Variants in ZDHHC21 observed in about 807,000 individuals in gnomAD.
ZDHHC21 encodes palmitoyltransferase ZDHHC21.
ZDHHC21 carries 15 observed loss-of-function variants against 34.6 expected under a neutral mutation model. The ratio of observed to expected loss-of-function variants is 0.43; its 90% CI spans 0.29 to 0.67. ZDHHC21 has a LOEUF of 0.67. Ranked by LOEUF, ZDHHC21 falls within the 30% of genes least tolerant of loss-of-function variation. The pLI is 0.14. For missense variants in ZDHHC21, 344 were observed against 327.7 expected, an observed-to-expected ratio of 1.05 and a Z score of -0.38; for synonymous variants, 142 against 101.8, an observed-to-expected ratio of 1.40 and a Z score of -2.38.
At chr9:14,622,429 A>T in intron 8 of ZDHHC21, 2 of 647,642 alleles carry the variant, frequency 3.1e-6, no homozygotes, top group Non-Finnish European at 3.8e-6. Flanking sequence ...GAAGTTCCTA[A>T]GAGAAAAGGA....
intron 6 of ZDHHC21, among the ~76,000 whole-genome samples, chr9:14,660,736 T>C (rs1341874184): frequency 1.3e-5 from 2 of 152,128 alleles, no homozygotes; most frequent in African/African-American, 4.8e-5. Flanking sequence ...ACCCCAACGT[T>C]AGAATTAAGG....
chr9:14,598,139 C>G, the ZDHHC21 span, among the ~76,000 whole-genome samples: 65 of 152,046 alleles, frequency 4.3e-4, no homozygotes, highest in African/African-American at 1.5e-3. Context: ...CCTGGAGGCT[C>G]AAGGATTAGT....
At chr9:14,688,588 A>G (rs1335245517) in intron 2 of ZDHHC21, among the ~76,000 whole-genome samples, 2 of 151,796 alleles carry the variant, frequency 1.3e-5, no homozygotes, top group East Asian at 1.9e-4. Context: ...GGGGCCAGGC[A>G]CAGTGGCTCA....
At chr9:14,688,205 A>G (rs1293018502) in intron 2 of ZDHHC21, among the ~76,000 whole-genome samples, 1 of 150,950 alleles carries the variant, frequency 6.6e-6, no homozygotes, top group African/African-American at 2.5e-5. Flanking sequence ...TTCAAGCTTC[A>G]GTTTGACCAT....
chr9:14,665,557 A>G (rs1292932436), intron 5 of ZDHHC21, among the ~76,000 whole-genome samples: 1 of 151,674 alleles, frequency 6.6e-6, no homozygotes, highest in Non-Finnish European at 1.5e-5. Flanking sequence ...CAGATTCACC[A>G]AAGTTGAAAT....
chr9:14,595,918 C>T, the ZDHHC21 span, among the ~76,000 whole-genome samples: 2 of 152,182 alleles, frequency 1.3e-5, no homozygotes, highest in African/African-American at 4.8e-5. Flanking sequence ...TGAAAAGTCC[C>T]ATAATACCAA....
At chr9:14,648,317 G>GTT (rs34563129) in intron 7 of ZDHHC21, among the ~76,000 whole-genome samples, 50 of 151,650 alleles carry the variant, frequency 3.3e-4, no homozygotes, top group African/African-American at 1.1e-3. Flanking sequence ...TAGCAATCAG[G>GTT]TTTTTTTTAC....
rs778231974 is a variant in ZDHHC21, at chr9:14,613,787, A to G, written c.*5179T>C. The G allele has an allele frequency of 6.6e-6, 1 of 151,784 alleles. No individual in the cohort carries two copies. The highest frequency in any genetic ancestry group is 1.9e-4 in the East Asian group (1 of 5,192). 9.4% of individuals were successfully genotyped at this position (151,784 alleles called of 1,614,324 possible). On this transcript the variant is annotated 3_prime_UTR_variant, in exon 10 of 10. Coordinates refer to ENST00000380916, the MANE Select transcript of ZDHHC21 (RefSeq NM_178566.6). The stretch of plus-strand genomic sequence containing the variant: ...TGACAAAATTTTCTATACACTCAGT[A>G]TCTTTTCTTTGCAATAAGAGATTTC...
At chr9:14,680,560 G>A (rs1231425015) in intron 2 of ZDHHC21, among the ~76,000 whole-genome samples, 1 of 151,998 alleles carries the variant, frequency 6.6e-6, no homozygotes, top group Non-Finnish European at 1.5e-5. Flanking sequence ...AATTTAAAAT[G>A]CTTTAAGAAA....
At chr9:14,601,823 C>T in the ZDHHC21 span, among the ~76,000 whole-genome samples, 17,477 of 152,048 alleles carry the variant, frequency 0.11, 1,072 homozygotes, top group Non-Finnish European at 0.14. Flanking sequence ...GCCATTAAAA[C>T]GGATGAGTTC....
At chr9:14,626,874 T>C (rs190720807) in intron 8 of ZDHHC21, among the ~76,000 whole-genome samples, 19 of 152,190 alleles carry the variant, frequency 1.2e-4, no homozygotes, top group Admixed American at 1.2e-3. Context: ...ATCTTTCATA[T>C]AATATTACAA....
chr9:14,635,322 T>C (rs1403921913), intron 8 of ZDHHC21, among the ~76,000 whole-genome samples: 2 of 152,204 alleles, frequency 1.3e-5, no homozygotes, highest in Non-Finnish European at 2.9e-5. Flanking sequence ...CACCTAAGTA[T>C]AGGAAGCTCA....
At chr9:14,647,762 C>A (rs925489944) in intron 7 of ZDHHC21, among the ~76,000 whole-genome samples, 7 of 152,092 alleles carry the variant, frequency 4.6e-5, no homozygotes, top group Admixed American at 6.6e-5. Context: ...TATTACCTTT[C>A]GTCTTTCCAA....
At position 14,622,660 on chromosome 9, in the gene ZDHHC21, G is replaced by C. The variant is rs1321989432; in HGVS notation, c.622-2978C>G. 9 of 985,078 alleles carry C rather than the reference G, an allele frequency of 9.1e-6. No homozygotes were observed. The Admixed American group carries it at 4.3e-4, about 47-fold the overall frequency. 61.0% of individuals were successfully genotyped at this position (985,078 alleles called of 1,614,324 possible). A position where few individuals can be genotyped will look rare whatever the true frequency, so the allele number is the denominator to read the frequency against. ...TTGCCACATATGTTGTCATACAGGA[G>C]AAAGAATGTGCTGAAGAGTCCTTTG... On this transcript the variant is annotated intron_variant, in intron 8 of 9. Coordinates refer to ENST00000380916, the MANE Select transcript of ZDHHC21 (RefSeq NM_178566.6).
At chr9:14,642,826 C>T (rs191811889) in intron 7 of ZDHHC21, among the ~76,000 whole-genome samples, 117 of 152,310 alleles carry the variant, frequency 7.7e-4, no homozygotes, top group Admixed American at 1.4e-3. Flanking sequence ...TAAGACAGGC[C>T]TAGCAAACTA....
intron 7 of ZDHHC21, among the ~76,000 whole-genome samples, chr9:14,649,753 CA>C (rs1366187782): frequency 6.6e-6 from 1 of 152,072 alleles, no homozygotes; most frequent in Non-Finnish European, 1.5e-5. Context: ...ATCTGACTGT[CA>C]GGTTCATGGC....
chr9:14,665,478 G>C (rs1462619581), intron 5 of ZDHHC21, among the ~76,000 whole-genome samples: 1 of 151,034 alleles, frequency 6.6e-6, no homozygotes, highest in East Asian at 2.0e-4. Context: ...CCAACGTTCA[G>C]ATTCAGGAAA....
At position 14,612,214 on chromosome 9, in the gene ZDHHC21, C is replaced by A. The variant is rs1434977509; in HGVS notation, c.*6752G>T. 6.6e-6 allele frequency: 1 copy of A among 151,952 alleles called. No individual in the cohort carries two copies. The highest frequency in any genetic ancestry group is 2.4e-5 in the African/African-American group (1 of 41,426). The allele number at this position is 151,952 out of a possible 1,614,324, so 9.4% of individuals were successfully genotyped here. On this transcript the variant is annotated 3_prime_UTR_variant, in exon 10 of 10. Transcript: ENST00000380916. The stretch of plus-strand genomic sequence containing the variant: ...TTTCACATAAATTTCAGACTTGATT[C>A]TTTTTTTCCATTCAGAATTGACTGC...
intron 2 of ZDHHC21, among the ~76,000 whole-genome samples, chr9:14,684,509 C>G (rs1837954030): frequency 6.8e-6 from 1 of 147,308 alleles, no homozygotes; most frequent in Admixed American, 6.8e-5. Flanking sequence ...TGTGAAGGAC[C>G]TCGTCAAGGA....
Sources: gnomAD v4.1 joint callset for allele counts (sites outside exome capture counted in the v4.1 genomes callset) on GRCh38, gnomAD v4.1.1 for gene constraint, MANE v1.5 for transcripts, NCBI Gene and HGNC (gene_info 2026-07-23, HGNC 2026-07-21) for gene names.